Variants in NKAIN2 observed in about 807,000 individuals in gnomAD.
NKAIN2 encodes the protein sodium/potassium transporting ATPase interacting 2.
NKAIN2 carries 14 observed loss-of-function variants against 32.6 expected under a neutral mutation model. That is an observed-to-expected ratio of 0.43 (90% CI 0.28 to 0.67). The LOEUF is 0.67. Among genes scored for constraint, NKAIN2 ranks in the 30% least tolerant of loss-of-function variants. The probability of loss-of-function intolerance (pLI) is 0.17; values close to 1 mark genes in which losing one functional copy is unlikely to be tolerated. For synonymous variants in NKAIN2, 80 were observed against 87.2 expected (o/e 0.92, Z 0.46); for missense variants, 198 against 258.3 (o/e 0.77, Z 1.60).
At chr6:124,818,034 A>G (rs1005949635) in intron 5 of NKAIN2, among the ~76,000 whole-genome samples, 3 of 152,038 alleles carry the variant, frequency 2.0e-5, no homozygotes, top group African/African-American at 4.8e-5. Flanking sequence ...AGCATGTCAC[A>G]GAAAATCTAC....
chr6:124,499,874 G>A (rs1265767020), intron 3 of NKAIN2, among the ~76,000 whole-genome samples: 1 of 152,102 alleles, frequency 6.6e-6, no homozygotes, highest in African/African-American at 2.4e-5. Flanking sequence ...AGTTGGACAG[G>A]AAAAAAGTAT....
intron 3 of NKAIN2, among the ~76,000 whole-genome samples, chr6:124,555,045 G>A (rs760763607): frequency 3.3e-5 from 5 of 152,080 alleles, no homozygotes; most frequent in Non-Finnish European, 7.4e-5. Flanking sequence ...TAGGACCCTC[G>A]GACAACTCCA....
At chr6:124,671,690 C>T (rs1271041535) in intron 4 of NKAIN2, among the ~76,000 whole-genome samples, 2 of 152,032 alleles carry the variant, frequency 1.3e-5, no homozygotes, top group Non-Finnish European at 2.9e-5. Context: ...ATAAAAATTT[C>T]ACCATCCCTG....
intron 1 of NKAIN2, among the ~76,000 whole-genome samples, chr6:123,864,313 C>T (rs1775901221): frequency 6.6e-6 from 1 of 152,158 alleles, no homozygotes; most frequent in Non-Finnish European, 1.5e-5. Context: ...GATCTCGACT[C>T]CTCTGTTTCA....
At chr6:124,075,813 C>G (rs1450170755) in intron 1 of NKAIN2, among the ~76,000 whole-genome samples, 3 of 152,126 alleles carry the variant, frequency 2.0e-5, no homozygotes, top group African/African-American at 7.2e-5. Flanking sequence ...CCAGGCTGGT[C>G]TGGAACTCCT....
At chr6:124,676,127 A>G (rs1773344224) in intron 4 of NKAIN2, among the ~76,000 whole-genome samples, 1 of 152,046 alleles carries the variant, frequency 6.6e-6, no homozygotes, top group African/African-American at 2.4e-5. Flanking sequence ...CTTATTCATG[A>G]ATTCTCCTAT....
At chr6:124,796,322 T>G (rs1779996388) in intron 5 of NKAIN2, among the ~76,000 whole-genome samples, 1 of 152,208 alleles carries the variant, frequency 6.6e-6, no homozygotes, top group South Asian at 2.1e-4. Flanking sequence ...CCTATCCTTA[T>G]GACCCCATTT....
chr6:124,117,230 T>C (rs1335895147), intron 1 of NKAIN2, among the ~76,000 whole-genome samples: 2 of 152,280 alleles, frequency 1.3e-5, no homozygotes, highest in Middle Eastern at 3.4e-3. Flanking sequence ...GAAAAATTAA[T>C]ATTGTATTTG....
chr6:124,812,549 A>G (rs935096485), intron 5 of NKAIN2, among the ~76,000 whole-genome samples: 1 of 152,164 alleles, frequency 6.6e-6, no homozygotes, highest in Admixed American at 6.6e-5. Context: ...GGTTGCAATG[A>G]AGCAAAATAA....
chr6:124,246,071 A>C (rs1793379761), intron 1 of NKAIN2, among the ~76,000 whole-genome samples: 1 of 152,064 alleles, frequency 6.6e-6, no homozygotes, highest in Non-Finnish European at 1.5e-5. Flanking sequence ...CCCCTCCTCA[A>C]AGCGGTTTTT....
chr6:124,796,236 T>G (rs1264462022), intron 5 of NKAIN2, among the ~76,000 whole-genome samples: 3 of 152,176 alleles, frequency 2.0e-5, no homozygotes, highest in Non-Finnish European at 4.4e-5. Context: ...AATCTAGGTG[T>G]TAGAAACCTC....
intron 4 of NKAIN2, among the ~76,000 whole-genome samples, chr6:124,696,702 C>G (rs1198603324): frequency 1.3e-5 from 2 of 151,588 alleles, no homozygotes; most frequent in African/African-American, 4.8e-5. Context: ...TCTTGAGAAT[C>G]AAACCCAATT....
intron 3 of NKAIN2, among the ~76,000 whole-genome samples, chr6:124,634,680 A>C (rs1014358595): frequency 6.6e-6 from 1 of 152,118 alleles, no homozygotes; most frequent in African/African-American, 2.4e-5. Flanking sequence ...TAATGAAATA[A>C]TAACTAAAAA....
intron 2 of NKAIN2, among the ~76,000 whole-genome samples, chr6:124,296,296 C>G (rs1382582947): frequency 2.6e-5 from 4 of 151,928 alleles, no homozygotes; most frequent in Non-Finnish European, 5.9e-5. Flanking sequence ...AAATGATGGC[C>G]TAAATGGAGT....
chr6:124,633,202 T>G (rs1374644814), intron 3 of NKAIN2, among the ~76,000 whole-genome samples: 1 of 152,206 alleles, frequency 6.6e-6, no homozygotes, highest in Admixed American at 6.5e-5. Flanking sequence ...AAATCTAGTC[T>G]TATCCTTAAT....
chr6:124,569,745 A>T (rs1781056767), intron 3 of NKAIN2, among the ~76,000 whole-genome samples: 1 of 152,214 alleles, frequency 6.6e-6, no homozygotes, highest in African/African-American at 2.4e-5. Context: ...AGTATCAGGT[A>T]TGTCTTTATC....
intron 1 of NKAIN2, among the ~76,000 whole-genome samples, chr6:124,018,088 C>A (rs531329617): frequency 5.9e-5 from 9 of 152,196 alleles, no homozygotes; most frequent in Non-Finnish European, 1.0e-4. Context: ...AACCTCAATT[C>A]TTGATTTCTG....
At chr6:124,623,855 C>T (rs1783200962) in intron 3 of NKAIN2, among the ~76,000 whole-genome samples, 1 of 152,060 alleles carries the variant, frequency 6.6e-6, no homozygotes, top group Non-Finnish European at 1.5e-5. Context: ...TTTTCCTGGC[C>T]TTTGGTACAT....
rs567920240 is a variant in NKAIN2, at chr6:124,346,955, T to C, written c.193-8312T>C. On this transcript the variant is annotated intron_variant, in intron 2 of 6. Coordinates refer to ENST00000368417, the MANE Select transcript of NKAIN2 (RefSeq NM_001040214.3). ...CAATGGTCTTTACATTTTGGCATGA[T>C]TTTGCAGCAGCTGGTACCGGTTGTG... 9.2e-3 allele frequency among the ~76,000 whole-genome samples: 1,401 copies of C among 152,334 alleles called. 25 individuals are homozygous for C. The highest frequency in any genetic ancestry group is 0.032 in the African/African-American group (1,330 of 41,570).
Sources: gnomAD v4.1 joint callset for allele counts (sites outside exome capture counted in the v4.1 genomes callset) on GRCh38, gnomAD v4.1.1 for gene constraint, MANE v1.5 for transcripts, NCBI Gene and HGNC (gene_info 2026-07-23, HGNC 2026-07-21) for gene names.